Variants in ERBB4 observed in about 807,000 individuals in gnomAD.
ERBB4 encodes erb-b2 receptor tyrosine kinase 4.
ERBB4 carries 42 observed loss-of-function variants against 158.0 expected under a neutral mutation model. The ratio of observed to expected loss-of-function variants is 0.27; its 90% CI spans 0.21 to 0.34. The LOEUF (loss-of-function observed/expected upper bound fraction) is 0.34. Ranked by LOEUF, ERBB4 falls within the 10% of genes least tolerant of loss-of-function variation. The pLI is 1.00. For synonymous variants in ERBB4, 583 were observed against 558.7 expected (o/e 1.04, Z -0.61); for missense variants, 1,333 against 1,624.1 (o/e 0.82, Z 3.08).
intron 2 of ERBB4, among the ~76,000 whole-genome samples, chr2:212,057,487 G>A (rs953911717): frequency 2.6e-5 from 4 of 152,256 alleles, no homozygotes; most frequent in Non-Finnish European, 5.9e-5. Flanking sequence ...ATACTTCTCA[G>A]CACCACATCA....
At chr2:212,219,827 A>T (rs2083233774) in intron 1 of ERBB4, among the ~76,000 whole-genome samples, 1 of 151,388 alleles carries the variant, frequency 6.6e-6, no homozygotes, top group South Asian at 2.1e-4. Context: ...AAACCTGCAC[A>T]AACCCTCTGG....
At chr2:211,553,894 C>A (rs2067170178) in intron 20 of ERBB4, among the ~76,000 whole-genome samples, 1 of 152,152 alleles carries the variant, frequency 6.6e-6, no homozygotes, top group Admixed American at 6.6e-5. Context: ...TTTGAGTTTG[C>A]TTTATTTCAA....
chr2:211,970,400 C>G (rs1339418526), intron 2 of ERBB4, among the ~76,000 whole-genome samples: 3 of 151,976 alleles, frequency 2.0e-5, no homozygotes, highest in African/African-American at 7.3e-5. Context: ...TCTATCAGGC[C>G]CATTCAATTA....
chr2:211,712,848 T>C (rs1158204440), intron 8 of ERBB4, among the ~76,000 whole-genome samples: 3 of 152,008 alleles, frequency 2.0e-5, no homozygotes, highest in Non-Finnish European at 4.4e-5. Context: ...GAAAACATCA[T>C]CTAAAAGTAA....
At chr2:211,427,761 A>AGTT (rs964772509) in intron 22 of ERBB4, among the ~76,000 whole-genome samples, 20 of 151,878 alleles carry the variant, frequency 1.3e-4, no homozygotes, top group African/African-American at 4.8e-4. Flanking sequence ...TTGTATTCAG[A>AGTT]GTTATGTTTT....
intron 1 of ERBB4, among the ~76,000 whole-genome samples, chr2:212,319,967 A>T (rs922577744): frequency 6.7e-6 from 1 of 150,096 alleles, no homozygotes; most frequent in African/African-American, 2.4e-5. Flanking sequence ...AGCATCCTCC[A>T]TTCCTTCCCC....
At chr2:211,409,792 C>A (rs779928881) in intron 25 of ERBB4, among the ~76,000 whole-genome samples, 2 of 152,192 alleles carry the variant, frequency 1.3e-5, no homozygotes, top group African/African-American at 4.8e-5. Flanking sequence ...AAGCTTCTCA[C>A]ATACCCCTTA....
intron 1 of ERBB4, among the ~76,000 whole-genome samples, chr2:212,385,148 T>A (rs866499382): frequency 2.6e-5 from 4 of 151,658 alleles, no homozygotes; most frequent in Non-Finnish European, 4.4e-5. Context: ...CTGTGATGGA[T>A]CTCAGGCTGA....
chr2:211,636,518 CA>C (rs1300368236), intron 16 of ERBB4, among the ~76,000 whole-genome samples: 1 of 151,896 alleles, frequency 6.6e-6, no homozygotes, highest in Non-Finnish European at 1.5e-5. Flanking sequence ...ATCATTAAAT[CA>C]AACACCTTGA....
At chr2:212,015,128 T>G (rs2076498811) in intron 2 of ERBB4, among the ~76,000 whole-genome samples, 35 of 129,720 alleles carry the variant, frequency 2.7e-4, no homozygotes, top group Admixed American at 6.5e-4. Flanking sequence ...TAGCCGGGCA[T>G]GGTGGCGGGT....
chr2:211,751,997 G>C (rs1469029630), intron 4 of ERBB4, among the ~76,000 whole-genome samples: 2 of 152,256 alleles, frequency 1.3e-5, no homozygotes, highest in Non-Finnish European at 1.5e-5. Flanking sequence ...TTCTATTTGT[G>C]AAGTATTGCC....
At chr2:211,384,101 G>T in intron 27 of ERBB4, 41 bp from the exon 28 acceptor site, 1 of 1,456,784 alleles carries the variant, frequency 6.9e-7, no homozygotes, top group Non-Finnish European at 9.6e-7. Context: ...CTAGTTTCTG[G>T]AAAATATTAA....
intron 19 of ERBB4, among the ~76,000 whole-genome samples, chr2:211,599,655 CA>C (rs1474488747): frequency 1.3e-5 from 2 of 152,002 alleles, no homozygotes; most frequent in African/African-American, 2.4e-5. Context: ...TCTATGAAAA[CA>C]ATGGCCACCA....
At chr2:212,499,843 T>C (rs553007742) in intron 1 of ERBB4, among the ~76,000 whole-genome samples, 1 of 152,142 alleles carries the variant, frequency 6.6e-6, no homozygotes, top group African/African-American at 2.4e-5. Context: ...TAACTGCAGA[T>C]GTAGAAAAGG....
chr2:211,390,223 C>T (rs2062772833), intron 25 of ERBB4, among the ~76,000 whole-genome samples: 1 of 152,152 alleles, frequency 6.6e-6, no homozygotes. Flanking sequence ...ACAGTGAAAG[C>T]ACAGGCACTG....
chr2:211,750,493 G>A (rs187150021), intron 5 of ERBB4, 146 bp downstream of exon 5: 63 of 716,416 alleles, frequency 8.8e-5, no homozygotes, highest in Admixed American at 6.6e-4. Context: ...AATGAAAATC[G>A]GGTAGTTTTC....
intron 1 of ERBB4, among the ~76,000 whole-genome samples, chr2:212,135,538 T>C (rs191012934): frequency 1.8e-3 from 268 of 152,334 alleles, no homozygotes; most frequent in Admixed American, 3.0e-3. Flanking sequence ...TTTCTTAATT[T>C]TTATTTCATA....
At chr2:211,744,734 C>T (rs1428717481) in intron 5 of ERBB4, among the ~76,000 whole-genome samples, 1 of 152,212 alleles carries the variant, frequency 6.6e-6, no homozygotes, top group Admixed American at 6.5e-5. Context: ...GGGAAGATGT[C>T]AGCACTGATA....
intron 18 of ERBB4, 31 bp from the exon 19 acceptor site, chr2:211,619,306 A>G (rs763544667): frequency 8.3e-7 from 1 of 1,204,256 alleles, no homozygotes; most frequent in East Asian, 2.3e-5. Flanking sequence ...ATTAAATATG[A>G]CATCTCAACC....
Sources: allele counts gnomAD v4.1 joint callset (sites outside exome capture counted in the v4.1 genomes callset), GRCh38; gene constraint gnomAD v4.1.1; transcripts MANE v1.5; gene names NCBI Gene and HGNC (gene_info 2026-07-23, HGNC 2026-07-21).